PXDNL: variants seen among roughly 807,000 people sequenced by gnomAD.
PXDNL encodes probable oxidoreductase PXDNL.
PXDNL carries 145 observed loss-of-function variants against 150.8 expected under a neutral mutation model. That is an observed-to-expected ratio of 0.96 (90% CI 0.84 to 1.10). The LOEUF is 1.10. PXDNL is among the 50% of genes least tolerant of loss of function. PXDNL has a pLI of 0.00. For missense variants in PXDNL, 2,087 were observed against 1,873.9 expected, an observed-to-expected ratio of 1.11 and a Z score of -2.10; for synonymous variants, 757 against 725.7, an observed-to-expected ratio of 1.04 and a Z score of -0.69.
chr8:51,486,756 A>T (rs1810748655), intron 5 of PXDNL, among the ~76,000 whole-genome samples: 1 of 16,500 alleles, frequency 6.1e-5, no homozygotes, highest in African/African-American at 3.2e-4. Flanking sequence ...AAGTTTATAT[A>T]TATATATATA....
chr8:51,339,639 T>C lies in PXDNL; in HGVS notation c.4131A>G (p.Thr1377=). 6.2e-7 allele frequency: 1 copy of C among 1,613,762 alleles called. No individual in the cohort carries two copies. Among genetic ancestry groups the C allele is most frequent in the Non-Finnish European group, 8.5e-7 (1 of 1,179,802 alleles). ...TFAAEIQETI[T]ALREQINKLE... is the part of the protein sequence containing the mutation. Reference sequence around the variant, plus strand: ...GAAAACAAACCTGCTCTCTGAGTGCTGTGATGGTTTCCTGAATTTCCGCTG... The same window carrying C: ...GAAAACAAACCTGCTCTCTGAGTGCCGTGATGGTTTCCTGAATTTCCGCTG... Residue 1377 remains threonine, a synonymous_variant, in exon 21 of 23, where the codon ACA becomes ACG. Transcript: ENST00000356297.
At chr8:51,640,574 A>G (rs1339722938) in intron 2 of PXDNL, among the ~76,000 whole-genome samples, 1 of 152,206 alleles carries the variant, frequency 6.6e-6, no homozygotes, top group Non-Finnish European at 1.5e-5. Context: ...ACCAACAGAG[A>G]GCCAAATCAT....
intron 1 of PXDNL, among the ~76,000 whole-genome samples, chr8:51,751,759 C>T (rs1240490179): frequency 2.0e-5 from 3 of 152,136 alleles, no homozygotes; most frequent in African/African-American, 7.2e-5. Context: ...ATAATTCTAC[C>T]CAGTCCTCAA....
intron 17 of PXDNL, among the ~76,000 whole-genome samples, chr8:51,401,924 G>C (rs11990397): frequency 0.15 from 22,450 of 152,174 alleles, 2,223 homozygotes; most frequent in East Asian, 0.3. Context: ...GGTCTTTAAA[G>C]GCTGACATGA....
At chr8:51,464,429 A>G (rs1810157757) in intron 8 of PXDNL, among the ~76,000 whole-genome samples, 1 of 46,816 alleles carries the variant, frequency 2.1e-5, no homozygotes, top group South Asian at 7.4e-4. Context: ...TGAAACCAAA[A>G]GTTGGTCATT....
chr8:51,403,189 G>A (rs1259283489), intron 17 of PXDNL, among the ~76,000 whole-genome samples: 6 of 151,744 alleles, frequency 4.0e-5, no homozygotes, highest in Admixed American at 6.6e-5. Flanking sequence ...ATTTTCATAT[G>A]ATCCTGGAAT....
intron 8 of PXDNL, among the ~76,000 whole-genome samples, chr8:51,459,641 A>G (rs534924352): frequency 2.3e-3 from 349 of 152,304 alleles, no homozygotes; most frequent in Non-Finnish European, 4.0e-3. Context: ...TTGTTTGCTC[A>G]TGAATCATGA....
At chr8:51,420,828 A>G (rs1808930103) in intron 14 of PXDNL, among the ~76,000 whole-genome samples, 1 of 152,128 alleles carries the variant, frequency 6.6e-6, no homozygotes, top group South Asian at 2.1e-4. Context: ...AGCTGGGACT[A>G]CAGGTAAGCG....
intron 4 of PXDNL, among the ~76,000 whole-genome samples, chr8:51,516,155 A>G (rs1436941212): frequency 2.0e-5 from 3 of 152,244 alleles, no homozygotes; most frequent in Non-Finnish European, 4.4e-5. Flanking sequence ...GTAACTTTAA[A>G]AAACAAATAT....
intron 3 of PXDNL, among the ~76,000 whole-genome samples, chr8:51,576,004 G>A (rs888140509): frequency 9.3e-5 from 14 of 151,246 alleles, no homozygotes; most frequent in Non-Finnish European, 1.9e-4. Flanking sequence ...TCAAGAAACA[G>A]AGCTAGAAAA....
At chr8:51,495,393 A>C (rs1379898579) in intron 5 of PXDNL, among the ~76,000 whole-genome samples, 2 of 152,162 alleles carry the variant, frequency 1.3e-5, no homozygotes, top group African/African-American at 4.8e-5. Context: ...GAGCAAACAC[A>C]TTCAAAAGCT....
intron 9 of PXDNL, among the ~76,000 whole-genome samples, chr8:51,454,863 C>T (rs1168794013): frequency 2.0e-5 from 3 of 152,170 alleles, no homozygotes; most frequent in Admixed American, 6.5e-5. Flanking sequence ...GGACAGAACA[C>T]ATCATCTGTA....
At position 51,408,720 on chromosome 8, in the gene PXDNL, G is replaced by A. The variant is rs1586081200; in HGVS notation, c.2904C>T (p.Ala968=). ...DHRANEHLAL[A]AMHTLWFREH... ...CCCGGAACCACAGGGTGTGCATGGC[G>A]GCCAGAGCCAGATGCTCGTTGGCCC... The change falls in exon 17 of 23, where the codon GCC becomes GCT. Residue 968 remains alanine (A), a synonymous_variant. Transcript: ENST00000356297. 1 of 1,591,960 alleles carries A rather than the reference G, an allele frequency of 6.3e-7. No individual in the cohort carries two copies. Among genetic ancestry groups the A allele is most frequent in the Non-Finnish European group, 8.6e-7 (1 of 1,169,040 alleles).
intron 1 of PXDNL, among the ~76,000 whole-genome samples, chr8:51,743,703 G>T (rs901089718): frequency 5.3e-5 from 8 of 151,942 alleles, no homozygotes; most frequent in African/African-American, 1.5e-4. Context: ...TTTTAGTAGA[G>T]AAATGGTTTG....
intron 1 of PXDNL, among the ~76,000 whole-genome samples, chr8:51,702,023 A>G (rs1816268342): frequency 6.6e-6 from 1 of 152,230 alleles, no homozygotes; most frequent in Admixed American, 6.5e-5. Context: ...ATTAAAAATT[A>G]CTTATTTAAA....
At chr8:51,496,964 C>T (rs1258248693) in intron 5 of PXDNL, among the ~76,000 whole-genome samples, 1 of 152,110 alleles carries the variant, frequency 6.6e-6, no homozygotes, top group Non-Finnish European at 1.5e-5. Context: ...CAAAAAAGAG[C>T]CCGGATTGCC....
chr8:51,511,161 T>C lies in PXDNL; in HGVS notation c.381-11391A>G, dbSNP rs192430208. Among the ~76,000 whole-genome samples, 14 of 152,284 alleles carry C rather than the reference T, an allele frequency of 9.2e-5. No homozygotes were observed. In the East Asian group the frequency reaches 2.7e-3, roughly 29 times the overall value. ...GGACACATGCAGGCCTGCACTCATC[T>C]TCTTATTTGACCCCTCAATCATTCT... is the stretch of plus-strand genomic sequence containing the variant. On this transcript the variant is annotated intron_variant, in intron 4 of 22. Transcript: ENST00000356297.
chr8:51,598,312 G>C (rs959822804), intron 2 of PXDNL, among the ~76,000 whole-genome samples: 2 of 151,980 alleles, frequency 1.3e-5, no homozygotes, highest in African/African-American at 4.8e-5. Flanking sequence ...TCTTATTCCA[G>C]TTCTCAAAGG....
Position 51,546,987 on chromosome 8 carries a change from G to A in PXDNL, c.380+9853C>T, listed in dbSNP as rs112510001. On this transcript the variant is annotated intron_variant, in intron 4 of 22. Coordinates refer to ENST00000356297, the MANE Select transcript of PXDNL (RefSeq NM_144651.5). ...ACCCGCTCAATCCCTCACAGTGCCC[G>A]CAGCAAGCCCCACCAAAGAAGAGTC... Among the ~76,000 whole-genome samples, 403 of 152,170 alleles carry A rather than the reference G, an allele frequency of 2.6e-3. 1 individual carries two copies. Among genetic ancestry groups the A allele is most frequent in the African/African-American group, 8.4e-3 (348 of 41,526 alleles).
Sources: allele counts gnomAD v4.1 joint callset (sites outside exome capture counted in the v4.1 genomes callset), GRCh38; gene constraint gnomAD v4.1.1; transcripts MANE v1.5; gene names NCBI Gene and HGNC (gene_info 2026-07-23, HGNC 2026-07-21).